Variants in R3HDM1 observed in about 807,000 individuals in gnomAD.
The protein encoded by R3HDM1 is R3H domain containing 1.
A neutral mutation model predicts 141.1 loss-of-function variants in R3HDM1; 46 were observed. The observed-to-expected ratio is 0.33, with a 90% CI of 0.26 to 0.42. R3HDM1 has a LOEUF of 0.42. R3HDM1 is among the 10% of genes least tolerant of loss of function. R3HDM1 has a pLI of 1.00. For synonymous variants in R3HDM1, 435 were observed against 472.9 expected, an observed-to-expected ratio of 0.92 and a Z score of 1.04; for missense variants, 1,184 against 1,368.3, an observed-to-expected ratio of 0.87 and a Z score of 2.12.
chr2:135,560,825 C>T (rs1199678446), intron 1 of R3HDM1, among the ~76,000 whole-genome samples: 1 of 152,072 alleles, frequency 6.6e-6, no homozygotes, highest in Admixed American at 6.5e-5. Flanking sequence ...GAGAGACTGT[C>T]GTGGAGGCTG....
chr2:135,577,805 TC>T (rs1211656301), intron 1 of R3HDM1, among the ~76,000 whole-genome samples: 1 of 129,010 alleles, frequency 7.8e-6, no homozygotes, highest in Non-Finnish European at 1.5e-5. Context: ...GCCATTGCAC[TC>T]CAGCCTGGGC....
At chr2:135,661,621 A>G (rs949782690) in intron 19 of R3HDM1, among the ~76,000 whole-genome samples, 13 of 152,202 alleles carry the variant, frequency 8.5e-5, no homozygotes, top group African/African-American at 2.9e-4. Flanking sequence ...TGTACTGGGA[A>G]TATCTTAAGC....
chr2:135,652,454 G>A (rs2065249514), intron 18 of R3HDM1, among the ~76,000 whole-genome samples: 1 of 152,210 alleles, frequency 6.6e-6, no homozygotes, highest in Non-Finnish European at 1.5e-5. Flanking sequence ...GGGCAATGTA[G>A]CGAAACTTTT....
At chr2:135,675,213 T>C in intron 19 of R3HDM1, 119 bp from the exon 20 acceptor site, 4 of 1,034,502 alleles carry the variant, frequency 3.9e-6, no homozygotes, top group Middle Eastern at 3.0e-4. Flanking sequence ...TTTTAGGGGC[T>C]TACCATTTAA....
At chr2:135,599,401 A>C (rs772562594) in intron 1 of R3HDM1, among the ~76,000 whole-genome samples, 2 of 152,218 alleles carry the variant, frequency 1.3e-5, no homozygotes, top group Non-Finnish European at 2.9e-5. Flanking sequence ...TGAGATATAT[A>C]CTTGAATGTC....
chr2:135,535,096 T>C (rs1695751000), intron 1 of R3HDM1, among the ~76,000 whole-genome samples: 1 of 152,176 alleles, frequency 6.6e-6, no homozygotes, highest in Non-Finnish European at 1.5e-5. Context: ...TAACAAATGG[T>C]AATGTAATTT....
intron 1 of R3HDM1, among the ~76,000 whole-genome samples, chr2:135,585,901 G>C (rs1707793372): frequency 6.6e-6 from 1 of 152,136 alleles, no homozygotes; most frequent in Non-Finnish European, 1.5e-5. Flanking sequence ...TTTGTGACAG[G>C]TAAAGTCAGT....
In R3HDM1 at chr2:135,680,238, T is replaced by C. The variant is rs540280583; in HGVS notation, c.2373T>C (p.Pro791=). 1.2e-6 allele frequency: 2 copies of C among 1,613,418 alleles called. No individual in the cohort carries two copies. Among genetic ancestry groups the C allele is most frequent in the African/African-American group, 2.7e-5 (2 of 75,032 alleles). The change falls in exon 21 of 27, where the codon CCT becomes CCC. Residue 791 remains proline, a synonymous_variant. Coordinates refer to ENST00000683871, the MANE Select transcript of R3HDM1 (RefSeq NM_001378107.1). Reference sequence around the variant, plus strand: ...CTTATCAACAGCCTGTTATGTTCCCTAATCAGTCTAATCAAGGATCTATGC... The same window carrying C: ...CTTATCAACAGCCTGTTATGTTCCCCAATCAGTCTAATCAAGGATCTATGC... ...HQTYQQPVMF[P]NQSNQGSMPT... is the part of the protein sequence containing the mutation.
chr2:135,652,132 T>C (rs897187669), intron 18 of R3HDM1, 100 bp downstream of exon 18: 1 of 1,444,392 alleles, frequency 6.9e-7, no homozygotes, highest in African/African-American at 1.4e-5. Context: ...GAAGAGAATT[T>C]GTGAGAGTAT....
At chr2:135,611,259 A>G (rs1431678862) in intron 3 of R3HDM1, among the ~76,000 whole-genome samples, 1 of 124,704 alleles carries the variant, frequency 8.0e-6, no homozygotes, top group Non-Finnish European at 1.7e-5. Context: ...CCATCTCTAC[A>G]AAAAAACACA....
intron 1 of R3HDM1, chr2:135,590,835 GT>G: frequency 1.6e-6 from 1 of 641,822 alleles, no homozygotes; most frequent in Non-Finnish European, 1.9e-6. Context: ...GCCTCAAGCT[GT>G]TTTTAAGCTA....
chr2:135,693,995 A>G (rs896469092), intron 21 of R3HDM1, among the ~76,000 whole-genome samples: 1 of 152,082 alleles, frequency 6.6e-6, no homozygotes, highest in Non-Finnish European at 1.5e-5. Flanking sequence ...CAAGAGCGAA[A>G]CTGCCTCAAA....
intron 1 of R3HDM1, among the ~76,000 whole-genome samples, chr2:135,565,376 G>C (rs1702560821): frequency 6.8e-6 from 1 of 147,630 alleles, no homozygotes; most frequent in Non-Finnish European, 1.5e-5. Context: ...TTAAATTTAA[G>C]AGACAAGATC....
rs2061014263 is a variant in R3HDM1 at position 135,616,344 on chromosome 2, T to C, written c.213+151T>C. The C allele has an allele frequency of 3.6e-6, 3 of 824,598 alleles. No homozygotes were observed. The African/African-American group carries it at 5.3e-5, about 15-fold the overall frequency. The allele number at this position is 824,598 out of a possible 1,614,324, so 51.1% of individuals were successfully genotyped here. A position where few individuals can be genotyped will look rare whatever the true frequency, so the allele number is the denominator to read the frequency against. On this transcript the variant is annotated intron_variant, in intron 4 of 26. Transcript: ENST00000683871. The stretch of plus-strand genomic sequence containing the variant: ...TTTTGTTTTATTTGGGATTTTTGTC[T>C]TGCCTAGTCGCTTTTGTGCATTGCT...
chr2:135,531,508 G>A lies in R3HDM1; in HGVS notation c.-375G>A, dbSNP rs1436644414. ...GATTCTGCCAGCCGCGGCTGCCGCT[G>A]GAGCCGGTGTCCGGGCTGGTGATGG... On this transcript the variant is annotated 5_prime_UTR_variant, in exon 1 of 27. Coordinates refer to ENST00000683871, the MANE Select transcript of R3HDM1 (RefSeq NM_001378107.1). The A allele has an allele frequency of 1.3e-5, 13 of 985,674 alleles. No homozygotes were observed. In the South Asian group the frequency reaches 5.6e-4, roughly 43 times the overall value. 61.1% of individuals were successfully genotyped at this position (985,674 alleles called of 1,614,324 possible).
rs57305680 is a variant in R3HDM1, at chr2:135,547,476, CT to C, written c.-250+15857del. Among the ~76,000 whole-genome samples the C allele has an allele frequency of 9.7e-3, 1,343 of 138,084 alleles. 6 individuals are homozygous for C. The highest frequency in any genetic ancestry group is 0.027 in the African/African-American group (1,027 of 37,978). The allele number at this position is 138,084 out of a possible 152,430, so 90.6% of individuals were successfully genotyped here. A position where few individuals can be genotyped will look rare whatever the true frequency, so the allele number is the denominator to read the frequency against. ...TTTTTTTTCTGGAGTTTCTAATTGT[CT>C]TTTTTTTTTTTTTCTGGTTGACAAG... On this transcript the variant is annotated intron_variant, in intron 1 of 26. Coordinates refer to ENST00000683871, the MANE Select transcript of R3HDM1 (RefSeq NM_001378107.1).
intron 1 of R3HDM1, among the ~76,000 whole-genome samples, chr2:135,565,322 AATTATT>A (rs72174180): frequency 0.066 from 9,447 of 143,108 alleles, 550 homozygotes; most frequent in African/African-American, 0.16. Context: ...AATGAAAAAA[AATTATT>A]ATTATTATTA....
At chr2:135,543,665 C>A (rs535994391) in intron 1 of R3HDM1, among the ~76,000 whole-genome samples, 8 of 152,020 alleles carry the variant, frequency 5.3e-5, no homozygotes, top group Non-Finnish European at 1.2e-4. Context: ...ATATTTTGTA[C>A]AAAATAACTT....
At chr2:135,649,035 C>A (rs1433763247) in intron 16 of R3HDM1, 1 of 148,476 alleles carries the variant, frequency 6.7e-6, no homozygotes, top group African/African-American at 2.5e-5. Context: ...GGCTATTATT[C>A]TTAATAGTTC....
Sources: allele counts gnomAD v4.1 joint callset (sites outside exome capture counted in the v4.1 genomes callset), GRCh38; gene constraint gnomAD v4.1.1; transcripts MANE v1.5; gene names NCBI Gene and HGNC (gene_info 2026-07-23, HGNC 2026-07-21).